The following PUM3 variants were observed in gnomAD, a reference collection of about 807,000 sequenced individuals.
PUM3 encodes the protein pumilio homolog 3.
A neutral mutation model predicts 84.0 loss-of-function variants in PUM3; 91 were observed. That is an observed-to-expected ratio of 1.08 (90% CI 0.91 to 1.29). The LOEUF is 1.29. Among genes scored for constraint, PUM3 ranks in the 50% most tolerant of loss-of-function variants. The pLI is 0.00. For synonymous variants in PUM3, 321 were observed against 266.7 expected, an observed-to-expected ratio of 1.20 and a Z score of -1.98; for missense variants, 1,067 against 767.5, an observed-to-expected ratio of 1.39 and a Z score of -4.61.
At chr9:2,839,601 C>T (rs776407082) in intron 1 of PUM3, among the ~76,000 whole-genome samples, 9 of 152,306 alleles carry the variant, frequency 5.9e-5, no homozygotes, top group Admixed American at 1.3e-4. Flanking sequence ...CATAAGGGAA[C>T]AGCAGACTTC....
In PUM3 at chr9:2,807,907, G is replaced by A. The variant is rs1481697427; in HGVS notation, c.1724-3C>T. 3 of 1,590,832 alleles carry A rather than the reference G, an allele frequency of 1.9e-6. No individual in the cohort carries two copies. The South Asian group carries it at 3.3e-5, about 18-fold the overall frequency. ...TACAAGTGTTTTTGCAAAACAACCT[G>A]TAAAATATACTGAAGCTTAGTGAAC... On this transcript the variant is annotated splice_region_variant and splice_polypyrimidine_tract_variant and intron_variant, in intron 16 of 17. Transcript: ENST00000397885.
Position 2,831,022 on chromosome 9 carries a change from A to G in PUM3, c.617T>C (p.Leu206Ser), listed in dbSNP as rs145833702. Residue 206 changes from leucine (L) to serine (S), a missense_variant, in exon 7 of 18, where the codon TTG becomes TCG. By Grantham distance (145) the Leu-to-Ser change is moderately radical. Transcript: ENST00000397885. ...KQAFEELRDD[L>S]VELSKAKYSR... is the part of the protein sequence containing the mutation. ...ATATTTGGCTTTACTTAACTCAACC[A>G]AATCATCTGAAAAACAAAAATACAT... The G allele has an allele frequency of 6.8e-7, 1 of 1,476,700 alleles. No individual in the cohort carries two copies. The highest frequency in any genetic ancestry group is 1.4e-5 in the African/African-American group (1 of 72,180). 91.5% of individuals were successfully genotyped at this position (1,476,700 alleles called of 1,614,324 possible).
chr9:2,823,707 C>A, intron 12 of PUM3, 74 bp downstream of exon 12: 1 of 643,654 alleles, frequency 1.6e-6, no homozygotes, highest in Non-Finnish European at 2.5e-6. Flanking sequence ...TGAATTTTTC[C>A]AAATTTTCTA....
intron 1 of PUM3, among the ~76,000 whole-genome samples, chr9:2,841,419 G>C (rs1166294580): frequency 6.6e-6 from 1 of 152,088 alleles, no homozygotes; most frequent in Non-Finnish European, 1.5e-5. Flanking sequence ...ACAAAATTTA[G>C]CTGGGCATGG....
intron 1 of PUM3, among the ~76,000 whole-genome samples, chr9:2,840,271 T>A (rs1187524582): frequency 2.6e-5 from 4 of 152,226 alleles, no homozygotes; most frequent in Admixed American, 2.6e-4. Flanking sequence ...TTTCCATCTT[T>A]ATTAGATCCA....
chr9:2,830,512 CTAATTATAAGT>C (rs1035118570), intron 7 of PUM3, among the ~76,000 whole-genome samples: 21 of 152,298 alleles, frequency 1.4e-4, no homozygotes, highest in African/African-American at 4.8e-4. Flanking sequence ...ATACTGGTGG[CTAATTATAAGT>C]TAATTATTCT....
intron 1 of PUM3, among the ~76,000 whole-genome samples, chr9:2,838,854 T>C (rs1816199734): frequency 6.6e-6 from 1 of 152,220 alleles, no homozygotes; most frequent in Admixed American, 6.5e-5. Flanking sequence ...AGAGTTTGCA[T>C]TTTGTAACCT....
intron 1 of PUM3, among the ~76,000 whole-genome samples, chr9:2,840,689 G>C (rs1264117157): frequency 1.3e-5 from 2 of 152,070 alleles, no homozygotes; most frequent in East Asian, 3.8e-4. Context: ...TCCAGCCAGG[G>C]GGAAGTTTCT....
At chr9:2,821,481 C>T (rs1261055185) in intron 12 of PUM3, among the ~76,000 whole-genome samples, 4 of 136,518 alleles carry the variant, frequency 2.9e-5, no homozygotes, top group African/African-American at 1.1e-4. Flanking sequence ...AGAGTCAGAT[C>T]ACACTAAAAC....
At position 2,815,103 on chromosome 9, in the gene PUM3, T is replaced by C. The variant is rs187982020; in HGVS notation, c.1270-2741A>G. On this transcript the variant is annotated intron_variant, in intron 13 of 17. Coordinates refer to ENST00000397885, the MANE Select transcript of PUM3 (RefSeq NM_014878.5). ...AAATTCATTGAACTTTACTCCCTTT[T>C]GGTTTGTAATTAAGGAATTTAGAAT... 5.9e-5 allele frequency among the ~76,000 whole-genome samples: 9 copies of C among 152,352 alleles called. No homozygotes were observed. In the East Asian group the frequency reaches 1.7e-3, roughly 29 times the overall value.
chr9:2,818,246 C>G (rs1215842054), intron 13 of PUM3, among the ~76,000 whole-genome samples: 1 of 152,198 alleles, frequency 6.6e-6, no homozygotes, highest in Non-Finnish European at 1.5e-5. Flanking sequence ...ACCTGTTGAA[C>G]GTTTGTCAGT....
intron 12 of PUM3, among the ~76,000 whole-genome samples, chr9:2,820,794 C>T (rs2129824413): frequency 6.6e-6 from 1 of 152,192 alleles, no homozygotes; most frequent in South Asian, 2.1e-4. Flanking sequence ...CACAGAAATA[C>T]ACATGTGGCT....
chr9:2,822,414 T>C (rs1027687110), intron 12 of PUM3, among the ~76,000 whole-genome samples: 1 of 151,966 alleles, frequency 6.6e-6, no homozygotes, highest in Admixed American at 6.6e-5. Context: ...TATTTGGAAA[T>C]TAATAATTCC....
intron 13 of PUM3, among the ~76,000 whole-genome samples, chr9:2,812,599 T>C (rs1473741985): frequency 6.6e-6 from 1 of 152,226 alleles, no homozygotes; most frequent in Non-Finnish European, 1.5e-5. Flanking sequence ...AGAATTTCAA[T>C]GGTGAAGAAT....
intron 1 of PUM3, among the ~76,000 whole-genome samples, chr9:2,842,481 T>A (rs183416494): frequency 2.6e-5 from 4 of 152,314 alleles, no homozygotes; most frequent in African/African-American, 9.6e-5. Flanking sequence ...CTTATCAGAA[T>A]AGTGAAGTTT....
At chr9:2,831,993 T>C (rs528165877) in intron 5 of PUM3, among the ~76,000 whole-genome samples, 1 of 152,266 alleles carries the variant, frequency 6.6e-6, no homozygotes, top group African/African-American at 2.4e-5. Flanking sequence ...ACTGACCAAT[T>C]TTCTAGAGCG....
In PUM3 at chr9:2,831,030, T is replaced by TC; in HGVS notation, c.611-3_611-2insG. ...CTTTACTTAACTCAACCAAATCATCTGAAAAACAAAAATACATTACAGTGA... is the reference window on the plus strand; with the variant it reads ...CTTTACTTAACTCAACCAAATCATCTCGAAAAACAAAAATACATTACAGTGA... On this transcript the variant is annotated splice_region_variant and splice_polypyrimidine_tract_variant and intron_variant, in intron 6 of 17. Transcript: ENST00000397885. 1 of 1,450,208 alleles carries TC rather than the reference T, an allele frequency of 6.9e-7. No individual in the cohort carries two copies. The allele number at this position is 1,450,208 out of a possible 1,614,324, so 89.8% of individuals were successfully genotyped here.
chr9:2,826,685 A>C (rs1274251049), intron 10 of PUM3, among the ~76,000 whole-genome samples: 1 of 152,212 alleles, frequency 6.6e-6, no homozygotes, highest in Non-Finnish European at 1.5e-5. Flanking sequence ...TTAGTTTTAC[A>C]AACATATCCT....
chr9:2,828,182 T>C (rs1815875148), intron 9 of PUM3, among the ~76,000 whole-genome samples: 1 of 152,104 alleles, frequency 6.6e-6, no homozygotes, highest in South Asian at 2.1e-4. Context: ...GCCAAGACTA[T>C]ACACACATGC....
Sources: allele counts gnomAD v4.1 joint callset (sites outside exome capture counted in the v4.1 genomes callset), GRCh38; gene constraint gnomAD v4.1.1; transcripts MANE v1.5; gene names NCBI Gene and HGNC (gene_info 2026-07-23, HGNC 2026-07-21).